The following ADCK1 variants were observed in gnomAD, a reference collection of about 807,000 sequenced individuals.
ADCK1 encodes aarF domain-containing protein kinase 1.
In ADCK1, 41 loss-of-function variants were observed where a neutral mutation model predicts 52.3. The observed-to-expected ratio is 0.78, with a 90% CI of 0.61 to 1.02. The LOEUF is 1.02. Ranked by LOEUF, ADCK1 falls within the 50% of genes least tolerant of loss-of-function variation. The pLI, the probability that ADCK1 is intolerant of heterozygous loss-of-function variation, is 0.00. For missense variants in ADCK1, 658 were observed against 679.5 expected (o/e 0.97, Z 0.35); for synonymous variants, 250 against 274.6 (o/e 0.91, Z 0.89).
chr14:77,839,963 C>T (rs1011389032), intron 3 of ADCK1, among the ~76,000 whole-genome samples: 4 of 141,004 alleles, frequency 2.8e-5, no homozygotes, highest in East Asian at 4.1e-4. Context: ...AGTAGGGAGG[C>T]GGGGAGGAGC....
At chr14:77,911,870 A>C (rs982419410) in intron 7 of ADCK1, among the ~76,000 whole-genome samples, 82 of 152,280 alleles carry the variant, frequency 5.4e-4, no homozygotes, top group African/African-American at 1.9e-3. Flanking sequence ...CAGAGAGGGA[A>C]GATAACTTAC....
At chr14:77,927,615 G>T (rs949042858) in intron 9 of ADCK1, among the ~76,000 whole-genome samples, 1 of 152,206 alleles carries the variant, frequency 6.6e-6, no homozygotes, top group Admixed American at 6.5e-5. Context: ...GACGAAACAA[G>T]TAGGGTGCTG....
chr14:77,865,878 G>T (rs544313326), intron 4 of ADCK1, among the ~76,000 whole-genome samples: 1 of 152,200 alleles, frequency 6.6e-6, no homozygotes, highest in African/African-American at 2.4e-5. Context: ...AGGGCAAGGG[G>T]CAGTAAACGT....
rs2084051672 is a variant in ADCK1, at chr14:77,921,338, A to AAAAAAAAAAAAAAG, written c.859-3109_859-3108insAAAGAAAAAAAAAA. ...TGAGACTCTGTCTCAAAAAAAAAAA[A>AAAAAAAAAAAAAAG]AAAAAAAAAAGAAAAAAAAGTTAAG... On this transcript the variant is annotated intron_variant, in intron 7 of 10. Transcript: ENST00000238561. Among the ~76,000 whole-genome samples the AAAAAAAAAAAAAAG allele has an allele frequency of 1.4e-5, 2 of 144,774 alleles. 1 individual carries two copies. Among genetic ancestry groups the AAAAAAAAAAAAAAG allele is most frequent in the Non-Finnish European group, 3.0e-5 (2 of 67,262 alleles). The allele number at this position is 144,774 out of a possible 152,430, so 95.0% of individuals were successfully genotyped here. A position where few individuals can be genotyped will look rare whatever the true frequency, so the allele number is the denominator to read the frequency against.
intron 3 of ADCK1, among the ~76,000 whole-genome samples, chr14:77,829,294 G>A (rs2364843): frequency 0.45 from 57,411 of 126,928 alleles, 13,424 homozygotes; most frequent in Middle Eastern, 0.59. Context: ...AAAAAACTAA[G>A]ATTTTTTTTT....
intron 3 of ADCK1, among the ~76,000 whole-genome samples, chr14:77,830,245 G>A (rs998145257): frequency 4.0e-5 from 6 of 150,868 alleles, no homozygotes; most frequent in Non-Finnish European, 5.9e-5. Flanking sequence ...CCTCTGCTTC[G>A]CAGGTTCAAG....
intron 1 of ADCK1, among the ~76,000 whole-genome samples, chr14:77,816,155 T>G (rs2081445369): frequency 6.6e-6 from 1 of 152,128 alleles, no homozygotes; most frequent in South Asian, 2.1e-4. Context: ...TTTTTTCAGG[T>G]GTTCCTCTGA....
intron 3 of ADCK1, among the ~76,000 whole-genome samples, chr14:77,835,060 G>A (rs2081933311): frequency 6.6e-6 from 1 of 152,178 alleles, no homozygotes; most frequent in Admixed American, 6.5e-5. Context: ...GCTGGAAATG[G>A]ATGTGGCAAC....
rs942842731 is a variant in ADCK1 at position 77,815,468 on chromosome 14, C to T, written c.-11-3500C>T. On this transcript the variant is annotated intron_variant, in intron 1 of 10. Transcript: ENST00000238561. ...CAAACAGTCCTCCCATTGTGGCCTC[C>T]GGAAGTGCTGGGATTATAGGCATGA... Among the ~76,000 whole-genome samples, 14 of 151,230 alleles carry T rather than the reference C, an allele frequency of 9.3e-5. No homozygotes were observed. The South Asian group carries it at 1.3e-3, about 14-fold the overall frequency.
At chr14:77,927,288 A>G (rs28721992) in intron 9 of ADCK1, among the ~76,000 whole-genome samples, 1 of 152,102 alleles carries the variant, frequency 6.6e-6, no homozygotes, top group Non-Finnish European at 1.5e-5. Context: ...ATGACGACCA[A>G]CTCTCGGCTT....
chr14:77,888,432 G>T (rs1375248138), intron 5 of ADCK1, among the ~76,000 whole-genome samples: 1 of 152,084 alleles, frequency 6.6e-6, no homozygotes, highest in Non-Finnish European at 1.5e-5. Context: ...TTTTCCTGTA[G>T]TCAGTGGGGA....
chr14:77,852,905 ATATTTTTTTTTTTTTT>A (rs1249285648), intron 3 of ADCK1, among the ~76,000 whole-genome samples: 5 of 28,440 alleles, frequency 1.8e-4, no homozygotes, highest in African/African-American at 3.9e-4. Flanking sequence ...ATATATATAT[ATATTTTTTTTTTTTTT>A]TTTTTTTTTT....
At chr14:77,810,093 C>T (rs2081308974) in intron 1 of ADCK1, among the ~76,000 whole-genome samples, 1 of 151,096 alleles carries the variant, frequency 6.6e-6, no homozygotes, top group African/African-American at 2.4e-5. Flanking sequence ...GTATGTCAGG[C>T]ATTGCCTTAA....
At chr14:77,831,881 A>G (rs1159979194) in intron 3 of ADCK1, among the ~76,000 whole-genome samples, 1 of 152,146 alleles carries the variant, frequency 6.6e-6, no homozygotes, top group East Asian at 1.9e-4. Context: ...CAACTCTATA[A>G]CTATTCCACT....
At chr14:77,827,210 G>A (rs1030102833) in intron 3 of ADCK1, among the ~76,000 whole-genome samples, 4 of 151,626 alleles carry the variant, frequency 2.6e-5, no homozygotes, top group African/African-American at 9.7e-5. Flanking sequence ...AAATTAGCTG[G>A]GCGTGGTGGT....
intron 1 of ADCK1, among the ~76,000 whole-genome samples, chr14:77,812,477 G>A (rs774862498): frequency 7.9e-5 from 12 of 151,626 alleles, no homozygotes; most frequent in Non-Finnish European, 1.2e-4. Flanking sequence ...CCTTTTTATG[G>A]CTGGATAATA....
At chr14:77,921,409 A>C (rs2084058524) in intron 7 of ADCK1, among the ~76,000 whole-genome samples, 1 of 150,880 alleles carries the variant, frequency 6.6e-6, no homozygotes, top group Non-Finnish European at 1.5e-5. Context: ...ATAGTGTGTA[A>C]AGTGCTTTCT....
intron 7 of ADCK1, among the ~76,000 whole-genome samples, chr14:77,912,459 TGTG>T (rs1353367695): frequency 8.2e-5 from 12 of 146,186 alleles, no homozygotes; most frequent in African/African-American, 3.3e-4. Flanking sequence ...TGTGTGTGTG[TGTG>T]TGTGTGTGTG....
chr14:77,912,433 CGTGTGTGTGTGT>C lies in ADCK1; in HGVS notation c.858+4547_858+4558del, dbSNP rs57555913. Among the ~76,000 whole-genome samples the C allele has an allele frequency of 2.5e-3, 351 of 138,250 alleles. 1 individual carries two copies. Among genetic ancestry groups the C allele is most frequent in the Non-Finnish European group, 3.6e-3 (231 of 64,042 alleles). The allele number at this position is 138,250 out of a possible 152,430, so 90.7% of individuals were successfully genotyped here. On this transcript the variant is annotated intron_variant, in intron 7 of 10. Coordinates refer to ENST00000238561, the MANE Select transcript of ADCK1 (RefSeq NM_020421.4). ...CACGGCCTTGAAGACTACGGAGGAG[CGTGTGTGTGTGT>C]GTGTGTGTGTGTGTGTGTGTGTGTG...
Sources: allele counts gnomAD v4.1 joint callset (sites outside exome capture counted in the v4.1 genomes callset), GRCh38; gene constraint gnomAD v4.1.1; transcripts MANE v1.5; gene names NCBI Gene and HGNC (gene_info 2026-07-23, HGNC 2026-07-21).